The following NOS1AP variants were observed in gnomAD, a reference collection of about 807,000 sequenced individuals.
The protein encoded by NOS1AP is nitric oxide synthase 1 adaptor protein.
Under a neutral mutation model 56.2 loss-of-function variants are expected in NOS1AP, and 21 were observed. That is an observed-to-expected ratio of 0.37 (90% CI 0.26 to 0.54). NOS1AP has a LOEUF of 0.54. NOS1AP is among the 20% of genes least tolerant of loss of function. NOS1AP has a pLI of 0.84. For missense variants in NOS1AP, 522 were observed against 657.8 expected, an observed-to-expected ratio of 0.79 and a Z score of 2.26; for synonymous variants, 270 against 274.6, an observed-to-expected ratio of 0.98 and a Z score of 0.17.
intron 1 of NOS1AP, among the ~76,000 whole-genome samples, chr1:162,087,821 T>C (rs76091164): frequency 0.049 from 7,409 of 152,222 alleles, 227 homozygotes; most frequent in African/African-American, 0.079. Context: ...CTGTGTAAAG[T>C]GCCCTCTCTC....
intron 2 of NOS1AP, among the ~76,000 whole-genome samples, chr1:162,196,181 T>A (rs750787238): frequency 4.6e-5 from 7 of 152,150 alleles, no homozygotes; most frequent in Non-Finnish European, 1.0e-4. Flanking sequence ...CCCCCAGTCA[T>A]GTTTGGAGGA....
chr1:162,150,170 C>G (rs1649652184), intron 1 of NOS1AP, among the ~76,000 whole-genome samples: 1 of 152,186 alleles, frequency 6.6e-6, no homozygotes, highest in Non-Finnish European at 1.5e-5. Flanking sequence ...TTGTTCTACT[C>G]TCTCTTTCCA....
At chr1:162,122,300 G>A (rs1571032372) in intron 1 of NOS1AP, among the ~76,000 whole-genome samples, 1 of 152,152 alleles carries the variant, frequency 6.6e-6, no homozygotes, top group Admixed American at 6.5e-5. Flanking sequence ...TGGTGGGCAT[G>A]TAACAAAATA....
intron 2 of NOS1AP, among the ~76,000 whole-genome samples, chr1:162,168,514 C>T (rs1053779816): frequency 6.6e-6 from 1 of 152,210 alleles, no homozygotes; most frequent in Non-Finnish European, 1.5e-5. Flanking sequence ...TCAGGCTGCT[C>T]AGAGGGAGAA....
rs1350239522 is a variant in NOS1AP, at chr1:162,368,448, AAAAG to A, written c.*985_*988del. ...GGTCAGTTTTTACTGCAAAAAAAAA[AAAAG>A]AAAAAAGAGAAAGAAAAAAAAGAAT... On this transcript the variant is annotated 3_prime_UTR_variant, in exon 10 of 10. Transcript: ENST00000361897. 6.6e-6 allele frequency: 1 copy of A among 151,682 alleles called. No homozygotes were observed. Among genetic ancestry groups the A allele is most frequent in the African/African-American group, 2.4e-5 (1 of 41,234 alleles). 9.4% of individuals were successfully genotyped at this position (151,682 alleles called of 1,614,324 possible). A position where few individuals can be genotyped will look rare whatever the true frequency, so the allele number is the denominator to read the frequency against.
chr1:162,332,668 G>C (rs190001679), intron 4 of NOS1AP, among the ~76,000 whole-genome samples: 6 of 152,314 alleles, frequency 3.9e-5, no homozygotes, highest in Admixed American at 3.3e-4. Flanking sequence ...GCATCTCTCT[G>C]GGTAAGAAGC....
intron 1 of NOS1AP, among the ~76,000 whole-genome samples, chr1:162,129,196 C>G (rs536067888): frequency 6.6e-6 from 1 of 152,030 alleles, no homozygotes; most frequent in Non-Finnish European, 1.5e-5. Flanking sequence ...TTCATCTGAC[C>G]GTTCTAGCCC....
At position 162,129,460 on chromosome 1, in the gene NOS1AP, C is replaced by G. The variant is rs56712330; in HGVS notation, c.106-24945C>G. ...ACACAATGTGTTTTCCTACCTCTCA[C>G]GTTTTCCCTGCCTAAATATCCTTTG... On this transcript the variant is annotated intron_variant, in intron 1 of 9. Transcript: ENST00000361897. 8.7e-3 allele frequency among the ~76,000 whole-genome samples: 1,325 copies of G among 152,254 alleles called. 22 individuals carry two copies. Among genetic ancestry groups the G allele is most frequent in the African/African-American group, 0.03 (1,255 of 41,554 alleles).
At chr1:162,112,663 C>G (rs1439332578) in intron 1 of NOS1AP, among the ~76,000 whole-genome samples, 1 of 152,194 alleles carries the variant, frequency 6.6e-6, no homozygotes, top group African/African-American at 2.4e-5. Flanking sequence ...ATTTAAAAGA[C>G]AGACACTTTA....
chr1:162,359,967 C>A (rs1156807921), intron 8 of NOS1AP, among the ~76,000 whole-genome samples: 1 of 152,160 alleles, frequency 6.6e-6, no homozygotes, highest in East Asian at 1.9e-4. Context: ...TTCTTGCAGA[C>A]AAGTGTACCC....
intron 1 of NOS1AP, among the ~76,000 whole-genome samples, chr1:162,144,976 A>G (rs1456459163): frequency 6.6e-6 from 1 of 152,192 alleles, no homozygotes; most frequent in African/African-American, 2.4e-5. Flanking sequence ...ATTAGCATAA[A>G]GACAAGTCAT....
chr1:162,140,926 T>C (rs1033779594), intron 1 of NOS1AP, among the ~76,000 whole-genome samples: 4 of 152,228 alleles, frequency 2.6e-5, no homozygotes, highest in African/African-American at 9.6e-5. Context: ...GTTGGCCTTG[T>C]GTATGTCTTC....
chr1:162,201,477 T>C (rs377005117), intron 2 of NOS1AP, among the ~76,000 whole-genome samples: 1 of 152,196 alleles, frequency 6.6e-6, no homozygotes, highest in South Asian at 2.1e-4. Flanking sequence ...ACTAATGAGA[T>C]TGCTGGGTTG....
At chr1:162,268,093 T>C (rs1031380552) in intron 2 of NOS1AP, among the ~76,000 whole-genome samples, 28 of 151,948 alleles carry the variant, frequency 1.8e-4, no homozygotes, top group African/African-American at 6.3e-4. Flanking sequence ...ACCCCTTCTC[T>C]ACTAAAAATA....
chr1:162,158,604 C>A (rs1352474637), intron 2 of NOS1AP, among the ~76,000 whole-genome samples: 1 of 152,202 alleles, frequency 6.6e-6, no homozygotes, highest in African/African-American at 2.4e-5. Flanking sequence ...GCATTACTAT[C>A]ATATCTTCCT....
chr1:162,336,943 A>C (rs1265198799), intron 5 of NOS1AP, among the ~76,000 whole-genome samples: 1 of 152,184 alleles, frequency 6.6e-6, no homozygotes, highest in Admixed American at 6.5e-5. Context: ...TCTTTTCCTC[A>C]CTGTGAGCAT....
At chr1:162,219,174 A>G (rs991154387) in intron 2 of NOS1AP, among the ~76,000 whole-genome samples, 2 of 152,210 alleles carry the variant, frequency 1.3e-5, no homozygotes, top group Admixed American at 6.5e-5. Context: ...CTTTGCTTAT[A>G]AAATGGGAAT....
intron 2 of NOS1AP, among the ~76,000 whole-genome samples, chr1:162,225,189 G>A (rs981591802): frequency 1.3e-5 from 2 of 152,208 alleles, no homozygotes; most frequent in African/African-American, 2.4e-5. Flanking sequence ...GTAGGGTTAT[G>A]AGGTCACTCT....
intron 3 of NOS1AP, among the ~76,000 whole-genome samples, chr1:162,287,926 C>T (rs536436181): frequency 4.6e-5 from 7 of 152,270 alleles, no homozygotes; most frequent in African/African-American, 9.6e-5. Context: ...ATATTTACAT[C>T]GTCCCTCAAG....
Sources: allele counts gnomAD v4.1 joint callset (sites outside exome capture counted in the v4.1 genomes callset), GRCh38; gene constraint gnomAD v4.1.1; transcripts MANE v1.5; gene names NCBI Gene and HGNC (gene_info 2026-07-23, HGNC 2026-07-21).